TRIM24: variants seen among roughly 807,000 people sequenced by gnomAD.
TRIM24 encodes the protein transcription intermediary factor 1-alpha.
A neutral mutation model predicts 123.9 loss-of-function variants in TRIM24; 29 were observed. The observed-to-expected ratio is 0.23, with a 90% CI of 0.17 to 0.32. The LOEUF (loss-of-function observed/expected upper bound fraction) is 0.32, where lower values mean the gene tolerates loss of function less well. Ranked by LOEUF, TRIM24 falls within the 10% of genes least tolerant of loss-of-function variation. The pLI, the probability that TRIM24 is intolerant of heterozygous loss-of-function variation, is 1.00. For synonymous variants in TRIM24, 456 were observed against 461.1 expected (o/e 0.99, Z 0.14); for missense variants, 932 against 1,295.3 (o/e 0.72, Z 4.31).
intron 1 of TRIM24, among the ~76,000 whole-genome samples, chr7:138,489,424 T>C (rs1405910015): frequency 6.6e-6 from 1 of 152,222 alleles, no homozygotes; most frequent in African/African-American, 2.4e-5. Flanking sequence ...CGTTAGTTGA[T>C]GCAGTTTCTT....
intron 16 of TRIM24, 115 bp from the exon 17 acceptor site, chr7:138,581,582 C>G (rs111407168): frequency 3.6e-6 from 3 of 826,662 alleles, no homozygotes. Flanking sequence ...TTGTATTCAT[C>G]TGGGTTTTAA....
intron 1 of TRIM24, among the ~76,000 whole-genome samples, chr7:138,482,011 T>C (rs1795537821): frequency 6.6e-6 from 1 of 152,210 alleles, no homozygotes; most frequent in East Asian, 1.9e-4. Context: ...GCCGTGCTTA[T>C]AATTATGTAT....
At chr7:138,472,385 A>G (rs1795291474) in intron 1 of TRIM24, among the ~76,000 whole-genome samples, 1 of 152,140 alleles carries the variant, frequency 6.6e-6, no homozygotes, top group Admixed American at 6.5e-5. Flanking sequence ...TAGGAGACAC[A>G]CTTTCTCTTG....
intron 1 of TRIM24, among the ~76,000 whole-genome samples, chr7:138,478,514 C>A (rs916871888): frequency 3.3e-5 from 5 of 152,100 alleles, no homozygotes; most frequent in Non-Finnish European, 5.9e-5. Flanking sequence ...TCTTACTCTG[C>A]GGCCCAGGCT....
At chr7:138,558,698 G>A (rs1296068499) in intron 9 of TRIM24, among the ~76,000 whole-genome samples, 1 of 152,212 alleles carries the variant, frequency 6.6e-6, no homozygotes, top group African/African-American at 2.4e-5. Context: ...TGACTTCTGA[G>A]TTTACTTTTT....
In TRIM24 at chr7:138,589,843, T is replaced by G. The variant is rs1798075833; in HGVS notation, c.*4892T>G. 1 of 152,224 alleles carries G rather than the reference T, an allele frequency of 6.6e-6. No homozygotes were observed. The highest frequency in any genetic ancestry group is 2.1e-4 in the South Asian group (1 of 4,830). The allele number at this position is 152,224 out of a possible 1,614,324, so 9.4% of individuals were successfully genotyped here. A position where few individuals can be genotyped will look rare whatever the true frequency, so the allele number is the denominator to read the frequency against. ...TGTAATTTCTGAGAATTACTATGTT[T>G]TAAATTTACTATTGGATATTTAACA... On this transcript the variant is annotated 3_prime_UTR_variant, in exon 19 of 19. Coordinates refer to ENST00000343526, the MANE Select transcript of TRIM24 (RefSeq NM_015905.3).
At chr7:138,560,969 T>C (rs1425301928) in intron 9 of TRIM24, among the ~76,000 whole-genome samples, 3 of 152,198 alleles carry the variant, frequency 2.0e-5, no homozygotes, top group Non-Finnish European at 4.4e-5. Flanking sequence ...GCCACTTTCT[T>C]TGGGGCCTAT....
intron 1 of TRIM24, among the ~76,000 whole-genome samples, chr7:138,481,638 A>G (rs1795528239): frequency 6.6e-6 from 1 of 151,808 alleles, no homozygotes; most frequent in South Asian, 2.1e-4. Context: ...CCTTATCTCA[A>G]TACAAACAAA....
chr7:138,469,172 G>A (rs960540589), intron 1 of TRIM24, among the ~76,000 whole-genome samples: 1 of 151,980 alleles, frequency 6.6e-6, no homozygotes, highest in Non-Finnish European at 1.5e-5. Context: ...TAATTTCATT[G>A]TACCTTTTTA....
chr7:138,541,526 C>G (rs1243244724), intron 7 of TRIM24, among the ~76,000 whole-genome samples: 1 of 152,162 alleles, frequency 6.6e-6, no homozygotes, highest in Admixed American at 6.5e-5. Context: ...AGTAGATGTG[C>G]TGTAATCCCG....
chr7:138,512,956 A>G (rs1446116841), intron 2 of TRIM24, among the ~76,000 whole-genome samples: 2 of 152,166 alleles, frequency 1.3e-5, no homozygotes, highest in East Asian at 3.9e-4. Flanking sequence ...TTGCTCATAC[A>G]TAGGAGCATA....
intron 1 of TRIM24, chr7:138,461,155 C>G (rs1162497421): frequency 8.5e-6 from 6 of 707,438 alleles, no homozygotes; most frequent in Non-Finnish European, 7.8e-6. Context: ...GCCGCCGCTG[C>G]TCCGCATTCT....
intron 1 of TRIM24, among the ~76,000 whole-genome samples, chr7:138,464,105 C>T (rs1468247407): frequency 6.7e-6 from 1 of 149,292 alleles, no homozygotes; most frequent in Admixed American, 6.8e-5. Context: ...GGCCATTCTC[C>T]TGCCTCAGCC....
intron 1 of TRIM24, among the ~76,000 whole-genome samples, chr7:138,503,834 C>T (rs947990402): frequency 1.3e-5 from 2 of 152,104 alleles, no homozygotes; most frequent in African/African-American, 4.8e-5. Flanking sequence ...ATACTATTTG[C>T]ATTTGTTAAA....
intron 1 of TRIM24, among the ~76,000 whole-genome samples, chr7:138,470,573 C>G (rs1465252321): frequency 6.6e-6 from 1 of 152,130 alleles, no homozygotes; most frequent in East Asian, 1.9e-4. Context: ...TAGGGAAGTC[C>G]CATATGGAGG....
Position 138,520,898 on chromosome 7 carries a change from G to A in TRIM24, c.764+1577G>A, listed in dbSNP as rs75436212. Among the ~76,000 whole-genome samples, 651 of 152,256 alleles carry A rather than the reference G, an allele frequency of 4.3e-3. 6 individuals carry two copies. The highest frequency in any genetic ancestry group is 0.015 in the African/African-American group (636 of 41,548). The stretch of plus-strand genomic sequence containing the variant: ...GATGTAATTGCAGTCCAAGAAGGAT[G>A]GAAAGTACAGAGAATGGGAAGGAAG... On this transcript the variant is annotated intron_variant, in intron 4 of 18. Coordinates refer to ENST00000343526, the MANE Select transcript of TRIM24 (RefSeq NM_015905.3).
intron 1 of TRIM24, among the ~76,000 whole-genome samples, chr7:138,468,635 T>C (rs1405200526): frequency 6.6e-6 from 1 of 152,252 alleles, no homozygotes; most frequent in Non-Finnish European, 1.5e-5. Flanking sequence ...TATGGCAAGG[T>C]TTAAGACTGA....
intron 1 of TRIM24, among the ~76,000 whole-genome samples, chr7:138,481,524 A>C (rs1795525318): frequency 6.6e-6 from 1 of 151,966 alleles, no homozygotes; most frequent in Admixed American, 6.6e-5. Flanking sequence ...TCGTTTTAAG[A>C]ATCTTTCTGG....
chr7:138,466,408 A>G (rs1312053998), intron 1 of TRIM24, among the ~76,000 whole-genome samples: 1 of 138,920 alleles, frequency 7.2e-6, no homozygotes, highest in Non-Finnish European at 1.6e-5. Context: ...CTTAGTAGTC[A>G]TTCTTTTTTG....
Sources: gnomAD v4.1 joint callset for allele counts (sites outside exome capture counted in the v4.1 genomes callset) on GRCh38, gnomAD v4.1.1 for gene constraint, MANE v1.5 for transcripts, NCBI Gene and HGNC (gene_info 2026-07-23, HGNC 2026-07-21) for gene names.